Variants in SLC35A5 observed in about 807,000 individuals in gnomAD.
SLC35A5 encodes UDP-sugar transporter protein SLC35A5.
In SLC35A5, 28 loss-of-function variants were observed where a neutral mutation model predicts 36.3. The ratio of observed to expected loss-of-function variants is 0.77; its 90% CI spans 0.57 to 1.06. The LOEUF (loss-of-function observed/expected upper bound fraction) is 1.06. Among genes scored for constraint, SLC35A5 ranks in the 50% least tolerant of loss-of-function variants. The pLI, the probability that SLC35A5 is intolerant of heterozygous loss-of-function variation, is 0.00. For missense variants in SLC35A5, 521 were observed against 499.3 expected (o/e 1.04, Z -0.41); for synonymous variants, 180 against 173.7 (o/e 1.04, Z -0.29).
At chr3:112,561,538 G>A (rs1576734804), upstream of SLC35A5, 3 of 1,606,714 alleles carry the variant, frequency 1.9e-6, no homozygotes, top group Middle Eastern at 1.7e-4. Flanking sequence ...TCCTGGGGCC[G>A]GAGTAGCGGC....
At position 112,582,825 on chromosome 3, in the gene SLC35A5, G is replaced by A. The variant is rs111779730; in HGVS notation, c.*89G>A. The A allele has an allele frequency of 9.0e-4, 1,019 of 1,130,920 alleles. 7 individuals carry two copies. In the African/African-American group the frequency reaches 0.013, roughly 15 times the overall value. The allele number at this position is 1,130,920 out of a possible 1,614,324, so 70.1% of individuals were successfully genotyped here. ...TTTATCTTTTCACTTTGATAAACCA[G>A]AAATGTTTCTAAATCCTAATATTCT... On this transcript the variant is annotated 3_prime_UTR_variant, in exon 7 of 7. Transcript: ENST00000492406.
rs981322211 is a variant in SLC35A5, at chr3:112,573,789, T to C, written c.361-100T>C. 6.5e-6 allele frequency: 6 copies of C among 926,418 alleles called. No individual in the cohort carries two copies. The Admixed American group carries it at 1.0e-4, about 16-fold the overall frequency. 57.4% of individuals were successfully genotyped at this position (926,418 alleles called of 1,614,324 possible). A position where few individuals can be genotyped will look rare whatever the true frequency, so the allele number is the denominator to read the frequency against. On this transcript the variant is annotated intron_variant, in intron 4 of 6. Coordinates refer to ENST00000492406, the MANE Select transcript of SLC35A5 (RefSeq NM_017945.5). ...CTACCTTAATAACCCCTCTGTTTTT[T>C]GACCAAAAAGCTTTTTTTGTCAGGT...
upstream of SLC35A5, chr3:112,561,774 C>T: frequency 2.0e-6 from 1 of 501,240 alleles, no homozygotes; most frequent in Non-Finnish European, 3.5e-6. Flanking sequence ...CCGGACCCAG[C>T]TGTCACCCAG....
intron 2 of SLC35A5, among the ~76,000 whole-genome samples, chr3:112,566,302 G>A (rs1934194684): frequency 1.3e-5 from 2 of 152,192 alleles, no homozygotes; most frequent in Non-Finnish European, 2.9e-5. Flanking sequence ...CCCTACTGCA[G>A]TTTTCTGCAG....
chr3:112,582,526 C>G (rs1026677837), intron 6 of SLC35A5, 145 bp from the exon 7 acceptor site: 12 of 567,878 alleles, frequency 2.1e-5, no homozygotes, highest in Middle Eastern at 3.4e-4. Flanking sequence ...GTTAACTTTC[C>G]AAGAACATAA....
chr3:112,571,307 A>G (rs777001414), intron 4 of SLC35A5, among the ~76,000 whole-genome samples: 14 of 152,130 alleles, frequency 9.2e-5, no homozygotes, highest in Non-Finnish European at 1.9e-4. Flanking sequence ...GCTTTCACTT[A>G]TTACTCAGTT....
chr3:112,575,740 C>A (rs1224586694), intron 5 of SLC35A5, among the ~76,000 whole-genome samples: 1 of 149,032 alleles, frequency 6.7e-6, no homozygotes, highest in Non-Finnish European at 1.5e-5. Context: ...ATGAGAATGC[C>A]TTTTAAGTAT....
chr3:112,580,831 C>T lies in SLC35A5; in HGVS notation c.714C>T (p.Val238=), dbSNP rs954205016. The T allele has an allele frequency of 1.2e-6, 2 of 1,614,148 alleles. No homozygotes were observed. The highest frequency in any genetic ancestry group is 3.3e-5 in the Admixed American group (2 of 60,016). ...RLGMGHVLII[V]QCFISSMANI... is the part of the protein sequence containing the mutation. The stretch of plus-strand genomic sequence containing the variant: ...GCATGGGCCATGTTCTTATTATAGT[C>T]CAGTGTTTTATTTCTTCAATGGCTA... Residue 238 remains valine, a synonymous_variant, in exon 6 of 7, where the codon GTC becomes GTT. Transcript: ENST00000492406.
At chr3:112,573,306 G>A (rs1265673011) in intron 4 of SLC35A5, among the ~76,000 whole-genome samples, 1 of 152,128 alleles carries the variant, frequency 6.6e-6, no homozygotes, top group Non-Finnish European at 1.5e-5. Context: ...TGTGAAATAG[G>A]ACTGAATTCG....
intron 2 of SLC35A5, among the ~76,000 whole-genome samples, chr3:112,566,612 A>C (rs1226222399): frequency 1.3e-5 from 2 of 152,224 alleles, no homozygotes; most frequent in Admixed American, 1.3e-4. Flanking sequence ...TGACTCATAG[A>C]AAGGAAAGAA....
At chr3:112,579,026 GA>G (rs1394339468) in intron 5 of SLC35A5, among the ~76,000 whole-genome samples, 4 of 152,188 alleles carry the variant, frequency 2.6e-5, no homozygotes, top group Admixed American at 2.6e-4. Flanking sequence ...CAGGCTATTT[GA>G]AAATTACATA....
At chr3:112,579,075 T>TA (rs1215027343) in intron 5 of SLC35A5, among the ~76,000 whole-genome samples, 1 of 152,236 alleles carries the variant, frequency 6.6e-6, no homozygotes, top group African/African-American at 2.4e-5. Flanking sequence ...ACAGGTATGC[T>TA]GCTATCTAGG....
chr3:112,571,894 A>G (rs1934454390), intron 4 of SLC35A5, among the ~76,000 whole-genome samples: 1 of 147,748 alleles, frequency 6.8e-6, no homozygotes, highest in Non-Finnish European at 1.5e-5. Context: ...CAAGAATTAT[A>G]GTAGAAAACA....
chr3:112,576,550 C>T lies in SLC35A5; in HGVS notation c.428+2594C>T, dbSNP rs369518878. Among the ~76,000 whole-genome samples, 4 of 152,300 alleles carry T rather than the reference C, an allele frequency of 2.6e-5. No homozygotes were observed. The South Asian group carries it at 6.2e-4, about 24-fold the overall frequency. On this transcript the variant is annotated intron_variant, in intron 5 of 6. Coordinates refer to ENST00000492406, the MANE Select transcript of SLC35A5 (RefSeq NM_017945.5). ...GTCCATTAAACAACTCTCCTTTCCCCGCCTCACCCTAACCCCTGATAACTA... is the reference window on the plus strand; with the variant it reads ...GTCCATTAAACAACTCTCCTTTCCCTGCCTCACCCTAACCCCTGATAACTA...
At chr3:112,582,526 C>T (rs1026677837) in intron 6 of SLC35A5, 145 bp from the exon 7 acceptor site, 1 of 567,996 alleles carries the variant, frequency 1.8e-6, no homozygotes, top group Non-Finnish European at 3.1e-6. Flanking sequence ...GTTAACTTTC[C>T]AAGAACATAA....
Position 112,584,361 on chromosome 3 carries a change from A to T in SLC35A5, c.*1625A>T, listed in dbSNP as rs1935064474. 2 of 152,214 alleles carry T rather than the reference A, an allele frequency of 1.3e-5. No individual in the cohort carries two copies. Among genetic ancestry groups the T allele is most frequent in the Non-Finnish European group, 1.5e-5 (1 of 68,034 alleles). 9.4% of individuals were successfully genotyped at this position (152,214 alleles called of 1,614,324 possible). A position where few individuals can be genotyped will look rare whatever the true frequency, so the allele number is the denominator to read the frequency against. On this transcript the variant is annotated 3_prime_UTR_variant, in exon 7 of 7. Coordinates refer to ENST00000492406, the MANE Select transcript of SLC35A5 (RefSeq NM_017945.5). ...TGGCGATTTATTTTAAAGGTAAGGG[A>T]AATGAGGTACAGCAGGACCTTTCTA...
chr3:112,576,663 G>T (rs866273522), intron 5 of SLC35A5, among the ~76,000 whole-genome samples: 1 of 152,050 alleles, frequency 6.6e-6, no homozygotes, highest in Non-Finnish European at 1.5e-5. Flanking sequence ...TTTGGGACTG[G>T]CTTATTTCAC....
intron 4 of SLC35A5, among the ~76,000 whole-genome samples, chr3:112,571,177 C>G (rs528714929): frequency 6.6e-6 from 1 of 152,244 alleles, no homozygotes; most frequent in East Asian, 1.9e-4. Context: ...GGGATCATGT[C>G]CTCCCAACTA....
In SLC35A5 at chr3:112,582,847, T is replaced by C. The variant is rs1934994657; in HGVS notation, c.*111T>C. On this transcript the variant is annotated 3_prime_UTR_variant, in exon 7 of 7. Coordinates refer to ENST00000492406, the MANE Select transcript of SLC35A5 (RefSeq NM_017945.5). Reference sequence around the variant, plus strand: ...CCAGAAATGTTTCTAAATCCTAATATTCTTTGCATATATCTAGCTACTCCC... The same window carrying C: ...CCAGAAATGTTTCTAAATCCTAATACTCTTTGCATATATCTAGCTACTCCC... 3.2e-6 allele frequency: 3 copies of C among 935,440 alleles called. No individual in the cohort carries two copies. The highest frequency in any genetic ancestry group is 4.9e-6 in the Non-Finnish European group (3 of 606,616). The allele number at this position is 935,440 out of a possible 1,614,324, so 57.9% of individuals were successfully genotyped here.
Sources: allele counts gnomAD v4.1 joint callset (sites outside exome capture counted in the v4.1 genomes callset), GRCh38; gene constraint gnomAD v4.1.1; transcripts MANE v1.5; gene names NCBI Gene and HGNC (gene_info 2026-07-23, HGNC 2026-07-21).